The following PPT1 variants were observed in gnomAD, a reference collection of about 807,000 sequenced individuals.
PPT1 encodes palmitoyl-protein thioesterase 1.
Under a neutral mutation model 44.0 loss-of-function variants are expected in PPT1, and 24 were observed. That is an observed-to-expected ratio of 0.54 (90% CI 0.39 to 0.77). PPT1 has a LOEUF of 0.77. Among genes scored for constraint, PPT1 ranks in the 30% least tolerant of loss-of-function variants. PPT1 has a pLI of 0.00. For synonymous variants in PPT1, 148 were observed against 140.2 expected, an observed-to-expected ratio of 1.06 and a Z score of -0.39; for missense variants, 341 against 378.8, an observed-to-expected ratio of 0.90 and a Z score of 0.83.
Position 40,076,870 on chromosome 1 carries a change from G to A in PPT1, c.770C>T (p.Pro257Leu), listed in dbSNP as rs2124470302. 6.2e-7 allele frequency: 1 copy of A among 1,614,176 alleles called. No individual in the cohort carries two copies. The highest frequency in any genetic ancestry group is 1.1e-5 in the South Asian group (1 of 91,084). The change falls in exon 8 of 9, where the codon CCC becomes CTC. Residue 257 changes from proline (P) to leucine (L), a missense_variant. Coordinates refer to ENST00000642050, the MANE Select transcript of PPT1 (RefSeq NM_000310.4). ...TGTGTACAGGGAGGTCTCCTGTAAGGGAATGGTTTCCTTGGCTTGGCCACT... is the reference window on the plus strand; with the variant it reads ...TGTGTACAGGGAGGTCTCCTGTAAGAGAATGGTTTCCTTGGCTTGGCCACT... ...YRSGQAKETI[P>L]LQETSLYTQD...
downstream of PPT1, chr1:40,072,278 TGATTTCAAGGAG>T (rs1403622842): frequency 2.4e-5 from 9 of 377,912 alleles, no homozygotes; most frequent in African/African-American, 1.5e-4. Flanking sequence ...AAAACCCACA[TGATTTCAAGGAG>T]TCTGGCATTC....
chr1:40,074,461 GTC>G (rs1206651432), intron 8 of PPT1, among the ~76,000 whole-genome samples: 1 of 113,136 alleles, frequency 8.8e-6, no homozygotes, highest in African/African-American at 3.8e-5. Context: ...CTCTCTCTCT[GTC>G]TCTCTTTCTC....
At chr1:40,093,426 T>C (rs1455564465) in intron 1 of PPT1, among the ~76,000 whole-genome samples, 1 of 47,796 alleles carries the variant, frequency 2.1e-5, no homozygotes. Flanking sequence ...TTCTGGGGTG[T>C]TGAAAAAGAA....
chr1:40,087,661 G>T (rs7513553), intron 5 of PPT1, among the ~76,000 whole-genome samples: 38,879 of 151,866 alleles, frequency 0.26, 5,475 homozygotes, highest in East Asian at 0.39. Flanking sequence ...AAGTATAGGC[G>T]TTTTGGAGGC....
At chr1:40,074,471 C>T (rs1648499383) in intron 8 of PPT1, among the ~76,000 whole-genome samples, 1 of 123,524 alleles carries the variant, frequency 8.1e-6, no homozygotes, top group Non-Finnish European at 1.6e-5. Context: ...GTCTCTCTTT[C>T]TCTTTCTTTC....
chr1:40,076,877 T>C lies in PPT1; in HGVS notation c.763A>G (p.Thr255Ala). 6.2e-7 allele frequency: 1 copy of C among 1,614,194 alleles called. No homozygotes were observed. Among genetic ancestry groups the C allele is most frequent in the Non-Finnish European group, 8.5e-7 (1 of 1,180,022 alleles). ...GFYRSGQAKETIPLQETSLYT... is the reference protein window; with the variant it reads ...GFYRSGQAKEAIPLQETSLYT... ...AGGGAGGTCTCCTGTAAGGGAATGG[T>C]TTCCTTGGCTTGGCCACTTCTGTAA... The change falls in exon 8 of 9, where the codon ACC becomes GCC. Residue 255 changes from threonine to alanine, a missense_variant. Coordinates refer to ENST00000642050, the MANE Select transcript of PPT1 (RefSeq NM_000310.4).
Position 40,091,347 on chromosome 1 carries a change from C to G in PPT1, c.415G>C (p.Val139Leu). Reference protein sequence around the residue: ...PSPPMINLISVGGQHQGVFGL... With the variant: ...PSPPMINLISLGGQHQGVFGL... ...AAGTTACCTTGATGTTGTCCCCCAA[C>G]CGAGATCAGATTGATCATGGGAGGT... Residue 139 changes from valine to leucine, a missense_variant, in exon 4 of 9, where the codon GTT becomes CTT. Transcript: ENST00000642050. 1 of 1,614,032 alleles carries G rather than the reference C, an allele frequency of 6.2e-7. No homozygotes were observed. The highest frequency in any genetic ancestry group is 8.5e-7 in the Non-Finnish European group (1 of 1,179,964).
chr1:40,082,331 G>A (rs1446945592), intron 5 of PPT1: 1 of 152,108 alleles, frequency 6.6e-6, no homozygotes, highest in African/African-American at 2.4e-5. Flanking sequence ...TGAAGTTAAA[G>A]GAAGCAACAG....
intron 1 of PPT1, chr1:40,093,990 C>T (rs1649714057): frequency 1.4e-6 from 1 of 716,056 alleles, no homozygotes. Flanking sequence ...GCCAAGAGTT[C>T]GAGACCAGTT....
intron 4 of PPT1, 69 bp downstream of exon 4, chr1:40,091,259 GA>G: frequency 6.8e-7 from 1 of 1,479,672 alleles, no homozygotes; most frequent in Non-Finnish European, 9.4e-7. Context: ...ATAGTTCCTA[GA>G]TTTTTTTTTA....
chr1:40,085,739 GCA>G (rs962405785), intron 5 of PPT1, among the ~76,000 whole-genome samples: 1 of 152,162 alleles, frequency 6.6e-6, no homozygotes, highest in African/African-American at 2.4e-5. Context: ...TGATGCTACT[GCA>G]CACTTAATAG....
downstream of PPT1, chr1:40,072,257 A>AG (rs1648184794): frequency 3.6e-6 from 1 of 279,674 alleles, no homozygotes; most frequent in East Asian, 4.4e-5. Context: ...AAAAGGAAAA[A>AG]AAAAAAAAAA....
At position 40,097,116 on chromosome 1, in the gene PPT1, C is replaced by T. The variant is rs1391666695; in HGVS notation, c.123G>A (p.Met41Ile). The change falls in exon 1 of 9, where the codon ATG (methionine) becomes ATA (isoleucine). Residue 41 changes from methionine (M) to isoleucine (I), a missense_variant and splice_region_variant. Met to Ile is a conservative substitution (Grantham distance 10). Transcript: ENST00000642050. The stretch of plus-strand genomic sequence containing the variant: ...CTTTTAAATTTCTCACTCACTCACC[C>T]ATCCCATGCCAGATCACCAACGGCA... ...APLPLVIWHG[M>I]GDSCCNPLSM... 1.2e-6 allele frequency: 2 copies of T among 1,613,954 alleles called. No homozygotes were observed. The highest frequency in any genetic ancestry group is 1.7e-5 in the Admixed American group (1 of 59,998).
intron 8 of PPT1, 177 bp downstream of exon 8, chr1:40,076,665 G>A: frequency 6.9e-7 from 1 of 1,452,908 alleles, no homozygotes; most frequent in South Asian, 1.4e-5. Context: ...ATAAGCTAGA[G>A]CACATAATCA....
Position 40,073,934 on chromosome 1 carries a change from T to C in PPT1, c.*127A>G, listed in dbSNP as rs780010424. 8.1e-7 allele frequency: 1 copy of C among 1,233,634 alleles called. No individual in the cohort carries two copies. Among genetic ancestry groups the C allele is most frequent in the Non-Finnish European group, 1.2e-6 (1 of 848,148 alleles). 76.4% of individuals were successfully genotyped at this position (1,233,634 alleles called of 1,614,324 possible). ...ATCTTAGATCTTTCCAAGTAGGGCA[T>C]GTTAGATGATAGAAGGATTAGTTGC... On this transcript the variant is annotated 3_prime_UTR_variant, in exon 9 of 9. Transcript: ENST00000642050.
intron 7 of PPT1, among the ~76,000 whole-genome samples, chr1:40,077,625 G>T (rs1465999009): frequency 6.6e-6 from 1 of 152,132 alleles, no homozygotes; most frequent in East Asian, 1.9e-4. Context: ...GGCCACAATC[G>T]GCCAATCCCT....
chr1:40,075,745 C>G (rs1570451494), intron 8 of PPT1, among the ~76,000 whole-genome samples: 2 of 151,988 alleles, frequency 1.3e-5, no homozygotes, highest in South Asian at 4.2e-4. Flanking sequence ...AGGTGGATCA[C>G]CTGAGGTCAG....
rs755854033 is a variant in PPT1 at position 40,080,436 on chromosome 1, G to A, written c.588C>T (p.Arg196=). 4 of 1,613,892 alleles carry A rather than the reference G, an allele frequency of 2.5e-6. No individual in the cohort carries two copies. Among genetic ancestry groups the A allele is most frequent in the Non-Finnish European group, 3.4e-6 (4 of 1,179,984 alleles). ...WHDPIKEDVY[R]NHSIFLADIN... ...TATCTGCCAAGAAGATGCTGTGGTT[G>A]CGATACACATCCTCCTTTATGGGGT... Residue 196 remains arginine, a synonymous_variant, in exon 6 of 9, where the codon CGC becomes CGT. Transcript: ENST00000642050.
At chr1:40,095,379 A>G (rs1430333177) in intron 1 of PPT1, among the ~76,000 whole-genome samples, 1 of 152,096 alleles carries the variant, frequency 6.6e-6, no homozygotes, top group East Asian at 1.9e-4. Flanking sequence ...CCTAGCCTTT[A>G]ACTACTAGCT....
Sources: allele counts gnomAD v4.1 joint callset (sites outside exome capture counted in the v4.1 genomes callset), GRCh38; gene constraint gnomAD v4.1.1; transcripts MANE v1.5; gene names NCBI Gene and HGNC (gene_info 2026-07-23, HGNC 2026-07-21).